Variants in WDR11 observed in about 807,000 individuals in gnomAD.
WDR11 encodes WD repeat-containing protein 11.
WDR11 carries 83 observed loss-of-function variants against 151.2 expected under a neutral mutation model. The observed-to-expected ratio is 0.55, with a 90% CI of 0.46 to 0.66. The LOEUF is 0.66. WDR11 is among the 30% of genes least tolerant of loss of function. WDR11 has a pLI of 0.00. For missense variants in WDR11, 1,301 were observed against 1,480.9 expected, an observed-to-expected ratio of 0.88 and a Z score of 1.99; for synonymous variants, 484 against 533.1, an observed-to-expected ratio of 0.91 and a Z score of 1.27.
chr10:120,905,609 A>G, intron 26 of WDR11, 193 bp downstream of exon 26: 2 of 768,026 alleles, frequency 2.6e-6, no homozygotes, highest in Non-Finnish European at 4.2e-6. Context: ...TGGATCTTGC[A>G]TTGGTAGCAA....
At chr10:120,874,330 C>T (rs1194823486) in intron 11 of WDR11, among the ~76,000 whole-genome samples, 2 of 151,068 alleles carry the variant, frequency 1.3e-5, no homozygotes, top group Admixed American at 6.6e-5. Flanking sequence ...ACTGGATATC[C>T]TTACGTTGCC....
In WDR11 at chr10:120,905,365, C is replaced by T. The variant is rs1847994681; in HGVS notation, c.3240C>T (p.Cys1080=). The T allele has an allele frequency of 1.9e-6, 3 of 1,614,200 alleles. No homozygotes were observed. Among genetic ancestry groups the T allele is most frequent in the Non-Finnish European group, 1.7e-6 (2 of 1,180,036 alleles). ...TGATAGATAAGGCTGCAGACGCCTG[C>T]CGCTACCTGCAGACATACGGCGAGT... ...LCLIDKAADA[C]RYLQTYGEWN... is the part of the protein sequence containing the mutation. The change falls in exon 26 of 29, where the codon TGC becomes TGT. Residue 1080 remains cysteine (C), a synonymous_variant. Transcript: ENST00000263461.
At chr10:120,871,371 T>A in intron 10 of WDR11, 25 bp downstream of exon 10, 10 of 1,608,024 alleles carry the variant, frequency 6.2e-6, no homozygotes, top group Non-Finnish European at 8.5e-6. Flanking sequence ...TGGTCTTTTT[T>A]TTTTTAACTC....
At chr10:120,896,981 A>G (rs1847638112) in intron 19 of WDR11, among the ~76,000 whole-genome samples, 1 of 152,188 alleles carries the variant, frequency 6.6e-6, no homozygotes, top group African/African-American at 2.4e-5. Flanking sequence ...TTGGACAAAA[A>G]GTTTATTTCA....
At chr10:120,882,001 C>A (rs1847023353) in intron 13 of WDR11, among the ~76,000 whole-genome samples, 1 of 152,006 alleles carries the variant, frequency 6.6e-6, no homozygotes, top group South Asian at 2.1e-4. Flanking sequence ...TTGTATATTT[C>A]CTTTATCAAG....
At chr10:120,875,719 G>T (rs559953873) in intron 11 of WDR11, among the ~76,000 whole-genome samples, 7 of 152,050 alleles carry the variant, frequency 4.6e-5, no homozygotes, top group African/African-American at 1.7e-4. Context: ...TGGCCAGGCT[G>T]ATGTTGAACT....
chr10:120,880,742 G>C (rs1846972115), intron 12 of WDR11, 84 bp from the exon 13 acceptor site: 9 of 1,185,240 alleles, frequency 7.6e-6, no homozygotes, highest in Non-Finnish European at 1.1e-5. Flanking sequence ...GGGTAGGACT[G>C]ATCAAATTAC....
chr10:120,862,296 C>T (rs1394994961), intron 4 of WDR11, among the ~76,000 whole-genome samples: 2 of 151,822 alleles, frequency 1.3e-5, no homozygotes, highest in East Asian at 3.9e-4. Context: ...TGTGCCACCA[C>T]GCCTGGCTAA....
At chr10:120,902,909 G>A (rs2133812566) in intron 22 of WDR11, 146 bp from the exon 23 acceptor site, 1 of 829,910 alleles carries the variant, frequency 1.2e-6, no homozygotes, top group South Asian at 1.5e-5. Context: ...AGAACTTGCT[G>A]CCTCCCCCTT....
rs1026697236 is a variant in WDR11 at position 120,860,199 on chromosome 10, C to T, written c.443C>T (p.Thr148Ile). ...PNYIVLWNADTGTKLWKKSYA... is the reference protein window; with the variant it reads ...PNYIVLWNADIGTKLWKKSYA... ...TACATTGTGCTCTGGAATGCCGACA[C>T]TGGCACCAAACTATGGAAGAAGAGC... The change falls in exon 4 of 29, where the codon ACT becomes ATT. Residue 148 changes from threonine (T) to isoleucine (I), a missense_variant. This residue lies in a region of WDR11 where 692 missense variants were observed against 762.5 expected (regional missense o/e 0.91). Transcript: ENST00000263461. 1 of 1,614,206 alleles carries T rather than the reference C, an allele frequency of 6.2e-7. No individual in the cohort carries two copies. The highest frequency in any genetic ancestry group is 1.7e-5 in the Admixed American group (1 of 60,024).
intron 27 of WDR11, chr10:120,906,544 TTAAAC>T (rs1475020570): frequency 2.2e-6 from 3 of 1,389,200 alleles, no homozygotes; most frequent in Non-Finnish European, 2.8e-6. Flanking sequence ...TTTTGTGTAT[TTAAAC>T]TATTTCACAA....
In WDR11 at chr10:120,908,835, C is replaced by T; in HGVS notation, c.*122C>T. ...CAGGGTCCTGTGAGCTGTTTGACCA[C>T]TGTTCTAAGACTATGTGTGCCCAAA... On this transcript the variant is annotated 3_prime_UTR_variant, in exon 29 of 29. Coordinates refer to ENST00000263461, the MANE Select transcript of WDR11 (RefSeq NM_018117.12). 2 of 1,075,710 alleles carry T rather than the reference C, an allele frequency of 1.9e-6. No individual in the cohort carries two copies. The highest frequency in any genetic ancestry group is 1.4e-6 in the Non-Finnish European group (1 of 719,656). 66.6% of individuals were successfully genotyped at this position (1,075,710 alleles called of 1,614,324 possible).
chr10:120,873,541 A>G (rs1846623182), intron 10 of WDR11, among the ~76,000 whole-genome samples: 1 of 152,234 alleles, frequency 6.6e-6, no homozygotes, highest in Admixed American at 6.5e-5. Flanking sequence ...ATAAAAGCTT[A>G]GGAAAGTGTT....
chr10:120,868,331 G>A (rs555718577), intron 9 of WDR11, among the ~76,000 whole-genome samples: 12 of 152,176 alleles, frequency 7.9e-5, no homozygotes, highest in African/African-American at 2.9e-4. Context: ...GCATGTGCTT[G>A]TGGTCCCAGC....
intron 9 of WDR11, among the ~76,000 whole-genome samples, chr10:120,868,102 C>T (rs187307889): frequency 1.8e-4 from 28 of 152,070 alleles, no homozygotes; most frequent in East Asian, 1.2e-3. Context: ...TAATTGAAAA[C>T]GATATTATTT....
chr10:120,900,272 C>T (rs961341084), intron 20 of WDR11, 135 bp downstream of exon 20: 30 of 795,540 alleles, frequency 3.8e-5, no homozygotes, highest in Non-Finnish European at 5.9e-5. Context: ...AGAGACACTA[C>T]AGAATTGCCA....
intron 4 of WDR11, among the ~76,000 whole-genome samples, chr10:120,860,795 A>G (rs1252939553): frequency 3.3e-5 from 5 of 152,242 alleles, no homozygotes; most frequent in Non-Finnish European, 5.9e-5. Flanking sequence ...TCCTGAGCTA[A>G]TGATCTAAAA....
chr10:120,901,011 C>T, intron 20 of WDR11, 25 bp from the exon 21 acceptor site: 1 of 1,518,474 alleles, frequency 6.6e-7, no homozygotes, highest in East Asian at 2.3e-5. Flanking sequence ...AGATAATGAA[C>T]TCATTCAAAA....
At chr10:120,896,724 C>T (rs959639198) in intron 19 of WDR11, among the ~76,000 whole-genome samples, 1 of 152,110 alleles carries the variant, frequency 6.6e-6, no homozygotes, top group Non-Finnish European at 1.5e-5. Context: ...AACCAAATTG[C>T]AGTTTTGGGG....
Sources: gnomAD v4.1 joint callset for allele counts (sites outside exome capture counted in the v4.1 genomes callset) on GRCh38, gnomAD v4.1.1 for gene constraint, gnomAD v4.1.1 regional missense constraint, MANE v1.5 for transcripts, NCBI Gene and HGNC (gene_info 2026-07-23, HGNC 2026-07-21) for gene names.